The following AQR variants were observed in gnomAD, a reference collection of about 807,000 sequenced individuals.
AQR encodes RNA helicase aquarius.
A neutral mutation model predicts 180.5 loss-of-function variants in AQR; 61 were observed. That is an observed-to-expected ratio of 0.34 (90% CI 0.28 to 0.42). The LOEUF (loss-of-function observed/expected upper bound fraction) is 0.42. Among genes scored for constraint, AQR ranks in the 10% least tolerant of loss-of-function variants. The probability of loss-of-function intolerance (pLI) is 1.00; values close to 1 mark genes in which losing one functional copy is unlikely to be tolerated. For missense variants in AQR, 1,281 were observed against 1,798.3 expected (o/e 0.71, Z 5.20); for synonymous variants, 551 against 588.8 (o/e 0.94, Z 0.93).
chr15:34,856,991 CT>C lies in AQR; in HGVS notation c.4258del (p.Ser1420ValfsTer43), dbSNP rs1892595978. On this transcript the variant is annotated frameshift_variant, in exon 35 of 35. Transcript: ENST00000156471. LOFTEE classifies it low-confidence loss of function (END_TRUNC). ...TTGACGGCAGCTGGTGTCTGTTGGACTGGGTATGATGTCAGCTTGAACAGTC... is the reference window on the plus strand; with the variant it reads ...TTGACGGCAGCTGGTGTCTGTTGGACGGGTATGATGTCAGCTTGAACAGTC... ...AMTVQADIIPSPTDTSCRQET... is the reference protein window; with the variant it reads ...AMTVQADIIPXPTDTSCRQET... The C allele has an allele frequency of 6.2e-7, 1 of 1,613,984 alleles. No individual in the cohort carries two copies. Among genetic ancestry groups the C allele is most frequent in the Non-Finnish European group, 8.5e-7 (1 of 1,180,028 alleles).
At chr15:34,919,432 G>A (rs961042708) in intron 14 of AQR, among the ~76,000 whole-genome samples, 7 of 151,998 alleles carry the variant, frequency 4.6e-5, no homozygotes, top group Non-Finnish European at 7.4e-5. Flanking sequence ...CAAAGCCTGG[G>A]GAAATCCTTT....
In AQR at chr15:34,897,658, G is replaced by A. The variant is rs780179363; in HGVS notation, c.2291C>T (p.Ala764Val). 9 of 1,613,824 alleles carry A rather than the reference G, an allele frequency of 5.6e-6. No individual in the cohort carries two copies. Among genetic ancestry groups the A allele is most frequent in the Admixed American group, 5.0e-5 (3 of 59,992 alleles). ...RSGKGKKRKD[A>V]DVEDEDTEEA... Reference sequence around the variant, plus strand: ...CTCGGTGTCTTCATCTTCCACATCCGCATCTTTCCTTTTCTTCCCTTTTCC... The same window carrying A: ...CTCGGTGTCTTCATCTTCCACATCCACATCTTTCCTTTTCTTCCCTTTTCC... The change falls in exon 21 of 35, where the codon GCG becomes GTG. Residue 764 changes from alanine (A) to valine (V), a missense_variant. Physicochemically the swap from Ala to Val is moderately conservative, Grantham distance 64. Around this residue, in one of 9 missense-constraint regions of AQR, gnomAD observed 112 missense variants for 128.6 expected, o/e 0.87. Coordinates refer to ENST00000156471, the MANE Select transcript of AQR (RefSeq NM_014691.3).
rs1179981378 is a variant in AQR at position 34,944,194 on chromosome 15, T to G, written c.471+94A>C. The G allele has an allele frequency of 3.3e-6, 4 of 1,213,498 alleles. No homozygotes were observed. In the East Asian group the frequency reaches 1.0e-4, roughly 32 times the overall value. 75.2% of individuals were successfully genotyped at this position (1,213,498 alleles called of 1,614,324 possible). On this transcript the variant is annotated intron_variant, in intron 6 of 34. Transcript: ENST00000156471. ...TATCCTTATTGCCTGCTATTATGGA[T>G]GAATGGAGTTGGCTACAGAGGTAAT... is the stretch of plus-strand genomic sequence containing the variant.
At position 34,870,863 on chromosome 15, in the gene AQR, G is replaced by A; in HGVS notation, c.3657C>T (p.Tyr1219=). ...ALFMYMCLLG[Y]PADKISILTT... ...TTAGAATACTGATTTTGTCAGCAGG[G>A]TAACCAAGTAAACACATGTACATAA... Residue 1219 remains tyrosine, a synonymous_variant, in exon 31 of 35, where the codon TAC becomes TAT. Transcript: ENST00000156471. 1.9e-6 allele frequency: 3 copies of A among 1,613,262 alleles called. No individual in the cohort carries two copies. The highest frequency in any genetic ancestry group is 1.7e-6 in the Non-Finnish European group (2 of 1,179,582).
At chr15:34,858,068 C>A (rs888514913) in intron 34 of AQR, among the ~76,000 whole-genome samples, 2 of 152,104 alleles carry the variant, frequency 1.3e-5, no homozygotes, top group Non-Finnish European at 2.9e-5. Flanking sequence ...ACTGCAACCT[C>A]CGTCTCCCAG....
chr15:34,854,561 T>C lies in AQR; in HGVS notation c.*2231A>G, dbSNP rs1892561332. 1 of 152,184 alleles carries C rather than the reference T, an allele frequency of 6.6e-6. No individual in the cohort carries two copies. Among genetic ancestry groups the C allele is most frequent in the Non-Finnish European group, 1.5e-5 (1 of 68,044 alleles). The allele number at this position is 152,184 out of a possible 1,614,324, so 9.4% of individuals were successfully genotyped here. On this transcript the variant is annotated 3_prime_UTR_variant, in exon 35 of 35. Coordinates refer to ENST00000156471, the MANE Select transcript of AQR (RefSeq NM_014691.3). Reference sequence around the variant, plus strand: ...TACAGCTCTTAAATTCCTTCAAAAATTCCCAAGATTCTACAGTCAACTGCC... The same window carrying C: ...TACAGCTCTTAAATTCCTTCAAAAACTCCCAAGATTCTACAGTCAACTGCC...
intron 13 of AQR, among the ~76,000 whole-genome samples, 179 bp downstream of exon 13, chr15:34,926,856 G>C (rs1893772621): frequency 6.6e-6 from 1 of 152,110 alleles, no homozygotes; most frequent in African/African-American, 2.4e-5. Flanking sequence ...ACCAAACGTG[G>C]GTAAGTGACA....
intron 24 of AQR, among the ~76,000 whole-genome samples, chr15:34,888,416 A>C (rs925972725): frequency 6.6e-6 from 1 of 151,454 alleles, no homozygotes; most frequent in Non-Finnish European, 1.5e-5. Context: ...AAGCAACATA[A>C]GGCTGGGCGC....
intron 16 of AQR, among the ~76,000 whole-genome samples, chr15:34,910,711 A>T (rs1893487133): frequency 6.6e-6 from 1 of 152,228 alleles, no homozygotes; most frequent in Non-Finnish European, 1.5e-5. Flanking sequence ...ACAAATAAAA[A>T]TTGTATATAG....
rs756207921 is a variant in AQR, at chr15:34,927,153, CA to C, written c.1015-16del. 41 of 1,442,284 alleles carry C rather than the reference CA, an allele frequency of 2.8e-5. No homozygotes were observed. Among genetic ancestry groups the C allele is most frequent in the Admixed American group, 2.7e-4 (13 of 48,188 alleles). 89.3% of individuals were successfully genotyped at this position (1,442,284 alleles called of 1,614,324 possible). On this transcript the variant is annotated splice_polypyrimidine_tract_variant and intron_variant, in intron 12 of 34. Transcript: ENST00000156471. ...AAAGCAGCTCTCTAGAAAATAATGG[CA>C]AAAAATATTAATAATTAATGTCTAC...
At chr15:34,924,866 T>A (rs1195679633) in intron 13 of AQR, among the ~76,000 whole-genome samples, 2 of 149,582 alleles carry the variant, frequency 1.3e-5, no homozygotes, top group African/African-American at 2.5e-5. Context: ...GTGTAAAGGA[T>A]GTCTATGGAC....
In AQR at chr15:34,969,705, C is replaced by G; in HGVS notation, c.-92G>C. ...CACTTCCCTTAAGTTACTGCCGGGG[C>G]GCTTAACTCCGCGCCGCACAAACGC... On this transcript the variant is annotated 5_prime_UTR_variant, in exon 1 of 35. Coordinates refer to ENST00000156471, the MANE Select transcript of AQR (RefSeq NM_014691.3). The G allele has an allele frequency of 1.6e-6, 2 of 1,277,374 alleles. No homozygotes were observed. Among genetic ancestry groups the G allele is most frequent in the Non-Finnish European group, 2.1e-6 (2 of 933,778 alleles). 79.1% of individuals were successfully genotyped at this position (1,277,374 alleles called of 1,614,324 possible).
intron 22 of AQR, among the ~76,000 whole-genome samples, chr15:34,896,533 T>A (rs1893246575): frequency 6.9e-6 from 1 of 145,944 alleles, no homozygotes; most frequent in Admixed American, 6.7e-5. Context: ...CTTCTAGTCT[T>A]AATCTATGTT....
At chr15:34,870,665 A>G (rs1198452108) in intron 31 of AQR, 87 bp downstream of exon 31, 1 of 1,122,206 alleles carries the variant, frequency 8.9e-7, no homozygotes, top group Non-Finnish European at 1.2e-6. Context: ...TTAAAAAGAG[A>G]TAGCAAAGAG....
At chr15:34,961,098 C>T (rs144363235) in intron 2 of AQR, among the ~76,000 whole-genome samples, 1 of 151,954 alleles carries the variant, frequency 6.6e-6, no homozygotes, top group Non-Finnish European at 1.5e-5. Context: ...TTCACAAGAT[C>T]AGGATTTTTT....
At chr15:34,921,394 A>G (rs1893682424) in intron 13 of AQR, among the ~76,000 whole-genome samples, 1 of 148,128 alleles carries the variant, frequency 6.8e-6, no homozygotes, top group Non-Finnish European at 1.5e-5. Context: ...AGATTGCACC[A>G]CTGCACTCCA....
In AQR at chr15:34,854,278, T is replaced by C. The variant is rs953996194; in HGVS notation, c.*2514A>G. ...AAAGAGATTCTAAAATCATGACACATTTAGATATGAAAAATAGGATGGAGA... is the reference window on the plus strand; with the variant it reads ...AAAGAGATTCTAAAATCATGACACACTTAGATATGAAAAATAGGATGGAGA... On this transcript the variant is annotated 3_prime_UTR_variant, in exon 35 of 35. Transcript: ENST00000156471. 1.3e-5 allele frequency: 2 copies of C among 152,094 alleles called. No individual in the cohort carries two copies. Among genetic ancestry groups the C allele is most frequent in the African/African-American group, 4.8e-5 (2 of 41,426 alleles). 9.4% of individuals were successfully genotyped at this position (152,094 alleles called of 1,614,324 possible). A position where few individuals can be genotyped will look rare whatever the true frequency, so the allele number is the denominator to read the frequency against.
intron 8 of AQR, 39 bp from the exon 9 acceptor site, chr15:34,938,852 A>G: frequency 7.1e-7 from 1 of 1,410,358 alleles, no homozygotes; most frequent in East Asian, 2.3e-5. Flanking sequence ...ATTTTTGAAG[A>G]ATAGTCATTT....
chr15:34,866,828 T>A (rs1892743339), intron 32 of AQR, among the ~76,000 whole-genome samples: 1 of 152,124 alleles, frequency 6.6e-6, no homozygotes, highest in South Asian at 2.1e-4. Flanking sequence ...AAGTTATTAA[T>A]CTCATGAAAC....
Sources: allele counts gnomAD v4.1 joint callset (sites outside exome capture counted in the v4.1 genomes callset), GRCh38; gene constraint gnomAD v4.1.1; regional missense constraint gnomAD v4.1.1; transcripts MANE v1.5; gene names NCBI Gene and HGNC (gene_info 2026-07-23, HGNC 2026-07-21).